Variants in HEMK2 observed in about 807,000 individuals in gnomAD.
HEMK2 encodes HemK methyltransferase 2, ETF1 glutamine and histone H4 lysine, also known as methyltransferase HEMK2.
the HEMK2 span, among the ~76,000 whole-genome samples, chr21:28,715,830 C>T: frequency 6.6e-6 from 1 of 152,086 alleles, no homozygotes; most frequent in Non-Finnish European, 1.5e-5. Context: ...TGATGATAGG[C>T]AGTGGTCCAG....
the HEMK2 span, among the ~76,000 whole-genome samples, chr21:28,838,999 A>ATATATATATATATATATATG: frequency 1.8e-5 from 1 of 56,330 alleles, no homozygotes; most frequent in Non-Finnish European, 2.9e-5. Flanking sequence ...ATATATATAT[A>ATATATATATATATATATATG]TACATATATA....
the HEMK2 span, among the ~76,000 whole-genome samples, chr21:28,855,435 A>C: frequency 6.6e-6 from 1 of 152,218 alleles, no homozygotes; most frequent in Non-Finnish European, 1.5e-5. Flanking sequence ...CCCTACCGAC[A>C]GTATTAGCCA....
At chr21:28,681,364 AAGG>A in the HEMK2 span, among the ~76,000 whole-genome samples, 1 of 152,158 alleles carries the variant, frequency 6.6e-6, no homozygotes, top group South Asian at 2.1e-4. Context: ...GGACCTCTTC[AAGG>A]AGAACTACAA....
At chr21:28,874,622 C>T in the HEMK2 span, 2 of 152,248 alleles carry the variant, frequency 1.3e-5, no homozygotes, top group Non-Finnish European at 2.9e-5. Flanking sequence ...GAGAAAGAGG[C>T]CTACTAGTAT....
At chr21:28,637,053 G>C in the HEMK2 span, among the ~76,000 whole-genome samples, 4 of 152,138 alleles carry the variant, frequency 2.6e-5, no homozygotes, top group Non-Finnish European at 5.9e-5. Context: ...TTGATTTGCT[G>C]TGCTCAGAGT....
chr21:28,722,698 A>G, the HEMK2 span, among the ~76,000 whole-genome samples: 2 of 152,120 alleles, frequency 1.3e-5, no homozygotes, highest in Admixed American at 6.5e-5. Context: ...CCTGACCAAC[A>G]TGGAGAAACC....
the HEMK2 span, among the ~76,000 whole-genome samples, chr21:28,660,901 T>C: frequency 2.0e-5 from 3 of 152,230 alleles, no homozygotes; most frequent in Admixed American, 6.5e-5. Flanking sequence ...TATTCAAATA[T>C]GAACCAATTG....
At chr21:28,841,191 ATATATATATTATATAATATAT>A in the HEMK2 span, among the ~76,000 whole-genome samples, 1 of 18,116 alleles carries the variant, frequency 5.5e-5, no homozygotes, top group East Asian at 0.013. Flanking sequence ...ATATATTATA[ATATATATATTATATAATATAT>A]TATATATATT....
chr21:28,882,379 C>A, the HEMK2 span: 2 of 572,324 alleles, frequency 3.5e-6, no homozygotes, highest in African/African-American at 2.0e-5. Context: ...AGAACGTATT[C>A]AATAATGGCA....
chr21:28,783,543 A>C, the HEMK2 span, among the ~76,000 whole-genome samples: 1 of 152,254 alleles, frequency 6.6e-6, no homozygotes, highest in Non-Finnish European at 1.5e-5. Context: ...GACCTGTCAC[A>C]TAAGGCCAGG....
chr21:28,883,031 C>T, the HEMK2 span: 24 of 1,607,484 alleles, frequency 1.5e-5, no homozygotes, highest in Non-Finnish European at 1.7e-5. Flanking sequence ...AATGCAGATA[C>T]TACACCAGAC....
the HEMK2 span, among the ~76,000 whole-genome samples, chr21:28,771,563 C>T: frequency 5.0e-3 from 738 of 147,310 alleles, 5 homozygotes; most frequent in African/African-American, 0.018. Flanking sequence ...GTCCACAGTG[C>T]TGTGATCCAA....
At chr21:28,686,662 G>A in the HEMK2 span, among the ~76,000 whole-genome samples, 40 of 152,316 alleles carry the variant, frequency 2.6e-4, no homozygotes, top group African/African-American at 7.0e-4. Context: ...CTGGATGAAC[G>A]CTTTTTAGGT....
At chr21:28,648,444 TCC>T in the HEMK2 span, among the ~76,000 whole-genome samples, 29 of 152,274 alleles carry the variant, frequency 1.9e-4, no homozygotes, top group Admixed American at 1.8e-3. Flanking sequence ...GTCTGTAAGA[TCC>T]CTGAGGACAG....
the HEMK2 span, among the ~76,000 whole-genome samples, chr21:28,831,578 AGAAGGAAAGAAGGAAAGAAG>A: frequency 4.4e-3 from 299 of 68,458 alleles, no homozygotes; most frequent in Middle Eastern, 0.014. Flanking sequence ...AAAGAAAGAA[AGAAGGAAAGAAGGAAAGAAG>A]GAAAGAAGGA....
chr21:28,763,494 C>G, the HEMK2 span, among the ~76,000 whole-genome samples: 2 of 152,182 alleles, frequency 1.3e-5, no homozygotes, highest in African/African-American at 4.8e-5. Flanking sequence ...AGATCAGACC[C>G]CACGATCCAG....
At chr21:28,742,957 C>A in the HEMK2 span, among the ~76,000 whole-genome samples, 16 of 152,144 alleles carry the variant, frequency 1.1e-4, no homozygotes, top group African/African-American at 3.9e-4. Flanking sequence ...TTCCTGACAA[C>A]TTCTTAGTTC....
chr21:28,847,937 G>A, the HEMK2 span, among the ~76,000 whole-genome samples: 6 of 152,210 alleles, frequency 3.9e-5, no homozygotes, highest in East Asian at 9.6e-4. Flanking sequence ...TCGTAGATGC[G>A]AAACTTTATT....
chr21:28,594,273 T>C, the HEMK2 span, among the ~76,000 whole-genome samples: 2 of 152,230 alleles, frequency 1.3e-5, no homozygotes, highest in South Asian at 4.1e-4. Flanking sequence ...TGATATCATG[T>C]ATGAAATTCA....
Sources: allele counts gnomAD v4.1 joint callset (sites outside exome capture counted in the v4.1 genomes callset), GRCh38; gene constraint gnomAD v4.1.1; transcripts MANE v1.5; gene names NCBI Gene and HGNC (gene_info 2026-07-23, HGNC 2026-07-21).